The following TMEM267 variants were observed in gnomAD, a reference collection of about 807,000 sequenced individuals.
The protein encoded by TMEM267 is transmembrane protein C5orf28.
Under a neutral mutation model 19.3 loss-of-function variants are expected in TMEM267, and 20 were observed. The ratio of observed to expected loss-of-function variants is 1.04; its 90% CI spans 0.73 to 1.51. The LOEUF is 1.51. Ranked by LOEUF, TMEM267 falls within the 40% of genes most tolerant of loss-of-function variation. The pLI, the probability that TMEM267 is intolerant of heterozygous loss-of-function variation, is 0.00. For missense variants in TMEM267, 242 were observed against 261.9 expected (o/e 0.92, Z 0.52); for synonymous variants, 88 against 90.3 (o/e 0.97, Z 0.15).
In TMEM267 at chr5:43,446,445, C is replaced by A. The variant is rs1287892168; in HGVS notation, c.425G>T (p.Cys142Phe). 1 of 1,613,810 alleles carries A rather than the reference C, an allele frequency of 6.2e-7. No individual in the cohort carries two copies. Among genetic ancestry groups the A allele is most frequent in the Non-Finnish European group, 8.5e-7 (1 of 1,179,738 alleles). Residue 142 changes from cysteine to phenylalanine, a missense_variant, in exon 3 of 3, where the codon TGC becomes TTC. Transcript: ENST00000397080. ...TATAAATAACATCCAGGGAAGAAAG[C>A]ACCATGAGTCTTTGAGCTTGAAAAG... is the stretch of plus-strand genomic sequence containing the variant. ...MHLFKLKDSWCFLPWMLFISW... is the reference protein window; with the variant it reads ...MHLFKLKDSWFFLPWMLFISW...
chr5:43,445,417 A>C lies in TMEM267; in HGVS notation c.*805T>G, dbSNP rs1217656504. 6.6e-6 allele frequency: 1 copy of C among 152,110 alleles called. No homozygotes were observed. The highest frequency in any genetic ancestry group is 1.5e-5 in the Non-Finnish European group (1 of 67,968). The allele number at this position is 152,110 out of a possible 1,614,324, so 9.4% of individuals were successfully genotyped here. A position where few individuals can be genotyped will look rare whatever the true frequency, so the allele number is the denominator to read the frequency against. The stretch of plus-strand genomic sequence containing the variant: ...TTTTTTTTGCATAAATTCAAATGTT[A>C]CGGTTATGATCCAAATATCAACATT... On this transcript the variant is annotated 3_prime_UTR_variant, in exon 3 of 3. Coordinates refer to ENST00000397080, the MANE Select transcript of TMEM267 (RefSeq NM_022483.5).
At chr5:43,460,083 T>A in intron 1 of TMEM267, among the ~76,000 whole-genome samples, 1 of 152,306 alleles carries the variant, frequency 6.6e-6, no homozygotes, top group East Asian at 1.9e-4. Flanking sequence ...GCACGTGACC[T>A]AGAACTCGCA....
intron 2 of TMEM267, among the ~76,000 whole-genome samples, chr5:43,450,262 GGTTA>G (rs1279932321): frequency 8.6e-5 from 13 of 151,938 alleles, no homozygotes; most frequent in Non-Finnish European, 1.6e-4. Flanking sequence ...ACAGTGTTGG[GGTTA>G]CAGGCATGAG....
At chr5:43,459,378 A>G (rs1378144277) in intron 1 of TMEM267, among the ~76,000 whole-genome samples, 2 of 152,232 alleles carry the variant, frequency 1.3e-5, no homozygotes, top group African/African-American at 4.8e-5. Context: ...TAAAATACAA[A>G]TACCACAACA....
At position 43,453,658 on chromosome 5, in the gene TMEM267, C is replaced by T. The variant is rs1261182903; in HGVS notation, c.312G>A (p.Lys104=). Reference sequence around the variant, plus strand: ...GAAAAATTAAGCCTATGCTTTTTACCTTTAAAGACATGGATCCAGCTAGAA... The same window carrying T: ...GAAAAATTAAGCCTATGCTTTTTACTTTTAAAGACATGGATCCAGCTAGAA... ...HFFLAGSMSL[K]AALTLPRRPF... The change falls in exon 2 of 3, where the codon AAG becomes AAA. Residue 104 remains lysine, a splice_region_variant and synonymous_variant. Transcript: ENST00000397080. The T allele has an allele frequency of 6.2e-7, 1 of 1,612,122 alleles. No homozygotes were observed. Among genetic ancestry groups the T allele is most frequent in the Non-Finnish European group, 8.5e-7 (1 of 1,179,370 alleles).
At chr5:43,454,741 G>A (rs977273151) in intron 1 of TMEM267, 2 of 152,110 alleles carry the variant, frequency 1.3e-5, no homozygotes, top group African/African-American at 2.4e-5. Context: ...ACTTCAATGA[G>A]CTACCCCAAC....
intron 1 of TMEM267, 99 bp downstream of exon 1, chr5:43,483,723 G>A (rs1744954581): frequency 6.6e-6 from 1 of 152,384 alleles, no homozygotes; most frequent in South Asian, 2.1e-4. Flanking sequence ...ATCAGACTCA[G>A]TGGTCCCCCA....
At chr5:43,483,980 G>C (rs1744976024), upstream of TMEM267, 1 of 152,246 alleles carries the variant, frequency 6.6e-6, no homozygotes, top group Non-Finnish European at 1.5e-5. Context: ...GAAAGGAAGC[G>C]ACGCATGAGT....
intron 1 of TMEM267, among the ~76,000 whole-genome samples, chr5:43,474,347 T>C (rs1199853089): frequency 2.6e-5 from 4 of 152,198 alleles, no homozygotes; most frequent in Admixed American, 2.6e-4. Flanking sequence ...AGAAAATTTT[T>C]TGCAATCTAT....
At chr5:43,479,273 AT>A (rs1744615298) in intron 1 of TMEM267, among the ~76,000 whole-genome samples, 1 of 152,018 alleles carries the variant, frequency 6.6e-6, no homozygotes, top group Non-Finnish European at 1.5e-5. Flanking sequence ...ATACAGGTCT[AT>A]TAAAAAATCT....
chr5:43,453,522 A>C (rs1742736715), intron 2 of TMEM267, 136 bp downstream of exon 2: 2 of 741,534 alleles, frequency 2.7e-6, no homozygotes, highest in Non-Finnish European at 4.4e-6. Flanking sequence ...GCAAGTACTA[A>C]GTGGTCAAAA....
chr5:43,459,302 G>GA (rs950864033), intron 1 of TMEM267, among the ~76,000 whole-genome samples: 10 of 151,330 alleles, frequency 6.6e-5, no homozygotes, highest in African/African-American at 2.4e-4. Flanking sequence ...AGACAGAAAA[G>GA]AAAAAAAAGA....
rs1744838515 is a variant in TMEM267, at chr5:43,482,372, T to C, written c.-75+1450A>G. On this transcript the variant is annotated intron_variant, in intron 1 of 2. Transcript: ENST00000397080. ...TAAGTGTTCTTCCTGTATTACTTAT[T>C]GTCTCTGAATAATACACCTAAGGGT... 2.0e-5 allele frequency among the ~76,000 whole-genome samples: 3 copies of C among 152,350 alleles called. No individual in the cohort carries two copies. In the South Asian group the frequency reaches 6.2e-4, roughly 32 times the overall value.
rs760611335 is a variant in TMEM267, at chr5:43,453,746, GTCT to G, written c.221_223del (p.Lys74del). On this transcript the variant is annotated inframe_deletion, in exon 2 of 3. Coordinates refer to ENST00000397080, the MANE Select transcript of TMEM267 (RefSeq NM_022483.5). ...AGCTAAAATGATTTCTCCAAAGTCA[GTCT>G]TCTTCTTGATTCCAGTGACTACCGC... 16 of 1,613,876 alleles carry G rather than the reference GTCT, an allele frequency of 9.9e-6. 1 individual carries two copies. The highest frequency in any genetic ancestry group is 6.6e-5 in the South Asian group (6 of 91,084).
intron 1 of TMEM267, among the ~76,000 whole-genome samples, chr5:43,480,922 A>G (rs1744724194): frequency 6.9e-6 from 1 of 144,598 alleles, no homozygotes; most frequent in Admixed American, 7.3e-5. Flanking sequence ...CCTGCCTCTC[A>G]GCCTCCCGAG....
In TMEM267 at chr5:43,444,916, A is replaced by T; in HGVS notation, c.*1306T>A. On this transcript the variant is annotated 3_prime_UTR_variant, in exon 3 of 3. Coordinates refer to ENST00000397080, the MANE Select transcript of TMEM267 (RefSeq NM_022483.5). ...ACTCCCCTAAAGAGCTTGAACCTTCATAATAATTTACAGAATTCTGTTTAA... is the reference window on the plus strand; with the variant it reads ...ACTCCCCTAAAGAGCTTGAACCTTCTTAATAATTTACAGAATTCTGTTTAA... The T allele has an allele frequency of 6.6e-6, 1 of 152,172 alleles. No individual in the cohort carries two copies. Among genetic ancestry groups the T allele is most frequent in the Middle Eastern group, 3.2e-3 (1 of 316 alleles). 9.4% of individuals were successfully genotyped at this position (152,172 alleles called of 1,614,324 possible).
chr5:43,477,496 A>G (rs1178416481), intron 1 of TMEM267, among the ~76,000 whole-genome samples: 1 of 150,264 alleles, frequency 6.7e-6, no homozygotes, highest in African/African-American at 2.5e-5. Flanking sequence ...TGGGAAGCTG[A>G]GGCAGAAGAA....
At chr5:43,481,106 CTTTTTTTTTTT>C (rs70994700) in intron 1 of TMEM267, among the ~76,000 whole-genome samples, 2 of 124,454 alleles carry the variant, frequency 1.6e-5, no homozygotes, top group Non-Finnish European at 3.3e-5. Context: ...GCCCGGCTTA[CTTTTTTTTTTT>C]TTTTTTTTTG....
chr5:43,475,526 T>A (rs115506235), intron 1 of TMEM267, among the ~76,000 whole-genome samples: 4,980 of 151,870 alleles, frequency 0.033, 125 homozygotes, highest in Non-Finnish European at 0.052. Context: ...AAGTATAATT[T>A]AAAAAAAAGT....
Sources: allele counts gnomAD v4.1 joint callset (sites outside exome capture counted in the v4.1 genomes callset), GRCh38; gene constraint gnomAD v4.1.1; transcripts MANE v1.5; gene names NCBI Gene and HGNC (gene_info 2026-07-23, HGNC 2026-07-21).